Variants in CCBE1 observed in about 807,000 individuals in gnomAD.
CCBE1 encodes the protein collagen and calcium-binding EGF domain-containing protein 1.
Under a neutral mutation model 50.0 loss-of-function variants are expected in CCBE1, and 37 were observed. That is an observed-to-expected ratio of 0.74 (90% confidence interval 0.57 to 0.97). The LOEUF (loss-of-function observed/expected upper bound fraction) is 0.97. Ranked by LOEUF, CCBE1 falls within the 50% of genes least tolerant of loss-of-function variation. CCBE1 has a pLI of 0.00. For missense variants in CCBE1, 538 were observed against 523.8 expected (o/e 1.03, Z -0.26); for synonymous variants, 234 against 203.7 (o/e 1.15, Z -1.27).
At chr18:59,638,281 C>T (rs1021231538) in intron 2 of CCBE1, among the ~76,000 whole-genome samples, 2 of 152,184 alleles carry the variant, frequency 1.3e-5, no homozygotes, top group African/African-American at 2.4e-5. Flanking sequence ...AACTTTCACA[C>T]GCATAGAAAC....
At chr18:59,561,400 G>A (rs1187372388) in intron 2 of CCBE1, among the ~76,000 whole-genome samples, 2 of 152,144 alleles carry the variant, frequency 1.3e-5, no homozygotes, top group East Asian at 1.9e-4. Flanking sequence ...CAGCCTAGGG[G>A]GTGGAGTGTA....
chr18:59,539,202 A>C (rs566163701), intron 2 of CCBE1, among the ~76,000 whole-genome samples: 1,529 of 148,970 alleles, frequency 0.01, 16 homozygotes, highest in African/African-American at 0.024. Context: ...CACACACACA[A>C]AAAACAAAAA....
chr18:59,595,967 T>A lies in CCBE1; in HGVS notation c.212+100662A>T, dbSNP rs182371958. 4.0e-3 allele frequency among the ~76,000 whole-genome samples: 603 copies of A among 152,354 alleles called. 1 individual carries two copies. The highest frequency in any genetic ancestry group is 0.012 in the African/African-American group (491 of 41,568). On this transcript the variant is annotated intron_variant, in intron 2 of 10. Coordinates refer to ENST00000439986, the MANE Select transcript of CCBE1 (RefSeq NM_133459.4). ...CAGACTTCTTGAAAATGTCCATTTT[T>A]AAAAATCTACATTTTTAAACTAAAA...
At chr18:59,557,246 T>C (rs2052668148) in intron 2 of CCBE1, among the ~76,000 whole-genome samples, 1 of 152,204 alleles carries the variant, frequency 6.6e-6, no homozygotes. Context: ...TCCTCCAGAT[T>C]TGAGCTCATC....
At chr18:59,538,275 C>T (rs948363656) in intron 2 of CCBE1, among the ~76,000 whole-genome samples, 2 of 152,210 alleles carry the variant, frequency 1.3e-5, no homozygotes, top group African/African-American at 4.8e-5. Flanking sequence ...ATATGTTCAT[C>T]TTCAGTTGCC....
intron 2 of CCBE1, among the ~76,000 whole-genome samples, chr18:59,488,838 A>C (rs1404671055): frequency 2.0e-5 from 3 of 152,206 alleles, no homozygotes; most frequent in Non-Finnish European, 2.9e-5. Context: ...GCCCAACAGC[A>C]CATGTAAAAA....
intron 2 of CCBE1, among the ~76,000 whole-genome samples, chr18:59,487,092 A>G (rs1248128950): frequency 6.7e-6 from 1 of 149,166 alleles, no homozygotes; most frequent in East Asian, 1.9e-4. Flanking sequence ...TTCCAAAGCA[A>G]CGAGCTCCTT....
chr18:59,635,415 C>CTGAAATAAGGGAAAACTGAAA (rs77734346), intron 2 of CCBE1, among the ~76,000 whole-genome samples: 52,460 of 151,544 alleles, frequency 0.35, 9,429 homozygotes, highest in East Asian at 0.59. Context: ...TAAGGGAAAA[C>CTGAAATAAGGGAAAACTGAAA]TGAAATAAGG....
At chr18:59,640,764 T>A (rs115357371) in intron 2 of CCBE1, among the ~76,000 whole-genome samples, 1 of 152,196 alleles carries the variant, frequency 6.6e-6, no homozygotes, top group African/African-American at 2.4e-5. Flanking sequence ...ATATCCAGAA[T>A]CTATAAGGAA....
At chr18:59,492,144 C>CAAAA (rs869190811) in intron 2 of CCBE1, among the ~76,000 whole-genome samples, 493 of 78,036 alleles carry the variant, frequency 6.3e-3, no homozygotes, top group Non-Finnish European at 8.4e-3. Flanking sequence ...GACTTTGTCT[C>CAAAA]AAAAAAAAAA....
chr18:59,606,114 G>A (rs570486943), intron 2 of CCBE1, among the ~76,000 whole-genome samples: 10 of 152,300 alleles, frequency 6.6e-5, no homozygotes, highest in Non-Finnish European at 1.5e-4. Context: ...TGTTTTCTTA[G>A]TAATAACACG....
At chr18:59,576,508 A>T (rs1182378596) in intron 2 of CCBE1, among the ~76,000 whole-genome samples, 1 of 152,196 alleles carries the variant, frequency 6.6e-6, no homozygotes, top group Non-Finnish European at 1.5e-5. Context: ...ACTTGTGAAA[A>T]ACCTAGGTGT....
intron 2 of CCBE1, among the ~76,000 whole-genome samples, chr18:59,624,010 T>C (rs1228207931): frequency 6.6e-6 from 1 of 152,118 alleles, no homozygotes; most frequent in Admixed American, 6.5e-5. Flanking sequence ...TTCCAAACAA[T>C]GTGGGAGTGA....
At chr18:59,447,299 A>C (rs1375393844) in intron 7 of CCBE1, among the ~76,000 whole-genome samples, 1 of 152,238 alleles carries the variant, frequency 6.6e-6, no homozygotes, top group Non-Finnish European at 1.5e-5. Flanking sequence ...AAAGCAGGTC[A>C]GTGTCTGCCT....
At chr18:59,478,815 G>T (rs1432636673) in intron 3 of CCBE1, among the ~76,000 whole-genome samples, 1 of 152,226 alleles carries the variant, frequency 6.6e-6, no homozygotes, top group South Asian at 2.1e-4. Flanking sequence ...ATAGAAAGAA[G>T]TGCAATTATT....
At chr18:59,480,164 A>T in intron 3 of CCBE1, 22 bp downstream of exon 3, 1 of 1,476,464 alleles carries the variant, frequency 6.8e-7, no homozygotes, top group Non-Finnish European at 9.5e-7. Context: ...AAGTCAGACA[A>T]TATCTTTTTT....
At position 59,687,341 on chromosome 18, in the gene CCBE1, G is replaced by A. The variant is rs530482834; in HGVS notation, c.212+9288C>T. On this transcript the variant is annotated intron_variant, in intron 2 of 10. Transcript: ENST00000439986. ...AATGGACATGTTAAAGGTCATGAAC[G>A]TCCACATAACGTTAAATTTTTTCAC... is the stretch of plus-strand genomic sequence containing the variant. Among the ~76,000 whole-genome samples the A allele has an allele frequency of 2.6e-5, 4 of 152,312 alleles. No homozygotes were observed. The South Asian group carries it at 6.2e-4, about 24-fold the overall frequency.
intron 2 of CCBE1, among the ~76,000 whole-genome samples, chr18:59,692,721 T>C (rs915944582): frequency 6.6e-5 from 10 of 152,128 alleles, no homozygotes; most frequent in Non-Finnish European, 1.3e-4. Flanking sequence ...AGTGGGTGTT[T>C]TACATCCCCC....
chr18:59,621,819 A>T (rs945083606), intron 2 of CCBE1, among the ~76,000 whole-genome samples: 6 of 152,172 alleles, frequency 3.9e-5, no homozygotes, highest in Non-Finnish European at 4.4e-5. Context: ...TCTTTGCCTT[A>T]ATGTCAGAAA....
Sources: allele counts gnomAD v4.1 joint callset (sites outside exome capture counted in the v4.1 genomes callset), GRCh38; gene constraint gnomAD v4.1.1; transcripts MANE v1.5; gene names NCBI Gene and HGNC (gene_info 2026-07-23, HGNC 2026-07-21).